FBXO31: variants seen among roughly 807,000 people sequenced by gnomAD.
FBXO31 encodes F-box protein 31, also known as F-box only protein 31.
In FBXO31, 24 loss-of-function variants were observed where a neutral mutation model predicts 54.4. The ratio of observed to expected loss-of-function variants is 0.44; its 90% CI spans 0.32 to 0.62. The LOEUF (loss-of-function observed/expected upper bound fraction) is 0.62. Among genes scored for constraint, FBXO31 ranks in the 20% least tolerant of loss-of-function variants. The pLI is 0.05. For missense variants in FBXO31, 665 were observed against 787.1 expected, an observed-to-expected ratio of 0.84 and a Z score of 1.86; for synonymous variants, 388 against 335.6, an observed-to-expected ratio of 1.16 and a Z score of -1.71.
chr16:87,365,399 C>T (rs971533288), intron 1 of FBXO31, among the ~76,000 whole-genome samples: 1 of 152,120 alleles, frequency 6.6e-6, no homozygotes, highest in African/African-American at 2.4e-5. Context: ...TAATATTGCC[C>T]TAATTGTAAC....
intron 2 of FBXO31, among the ~76,000 whole-genome samples, chr16:87,351,550 C>G (rs958609155): frequency 2.6e-5 from 4 of 152,124 alleles, no homozygotes; most frequent in Non-Finnish European, 5.9e-5. Flanking sequence ...GCAGCTGCCA[C>G]ATTATCTTCC....
chr16:87,348,356 G>A (rs896635276), intron 2 of FBXO31, among the ~76,000 whole-genome samples: 2 of 152,182 alleles, frequency 1.3e-5, no homozygotes, highest in African/African-American at 2.4e-5. Context: ...AGTCTGCCTC[G>A]ACTTCACCAC....
chr16:87,343,730 C>T lies in FBXO31; in HGVS notation c.525G>A (p.Leu175=), dbSNP rs1192599018. Residue 175 remains leucine, a synonymous_variant, in exon 4 of 9, where the codon CTG becomes CTA. Coordinates refer to ENST00000311635, the MANE Select transcript of FBXO31 (RefSeq NM_024735.5). ...DGLFIIGWMY[L]PPHDPHVDDP... is the part of the protein sequence containing the mutation. ...CATCGACGTGGGGGTCATGGGGAGG[C>T]AGGTACATCCACCCGATGATGAACA... The T allele has an allele frequency of 3.1e-6, 5 of 1,614,108 alleles. No homozygotes were observed. Among genetic ancestry groups the T allele is most frequent in the Non-Finnish European group, 4.2e-6 (5 of 1,180,050 alleles).
intron 1 of FBXO31, among the ~76,000 whole-genome samples, chr16:87,381,316 G>A (rs985100674): frequency 6.6e-6 from 1 of 152,094 alleles, no homozygotes; most frequent in African/African-American, 2.4e-5. Flanking sequence ...CCACAAATAA[G>A]GAATTCGCAA....
chr16:87,361,879 C>G (rs546411664), intron 1 of FBXO31, among the ~76,000 whole-genome samples: 1 of 152,352 alleles, frequency 6.6e-6, no homozygotes, highest in Admixed American at 6.5e-5. Context: ...CCTGCCTCCA[C>G]TTCTGAACCT....
chr16:87,372,367 G>T (rs1300660215), intron 1 of FBXO31, among the ~76,000 whole-genome samples: 1 of 152,050 alleles, frequency 6.6e-6, no homozygotes, highest in Non-Finnish European at 1.5e-5. Context: ...AAAGGCAGAG[G>T]AAAAGGAAAA....
At chr16:87,368,331 T>C (rs1157835251) in intron 1 of FBXO31, among the ~76,000 whole-genome samples, 6 of 152,228 alleles carry the variant, frequency 3.9e-5, no homozygotes, top group African/African-American at 1.4e-4. Flanking sequence ...TTTTAAAAAA[T>C]AGGGGTTAAG....
Position 87,383,692 on chromosome 16 carries a change from C to A in FBXO31, c.53G>T (p.Arg18Leu). The A allele has an allele frequency of 7.9e-7, 1 of 1,270,312 alleles. No homozygotes were observed. The highest frequency in any genetic ancestry group is 9.9e-7 in the Non-Finnish European group (1 of 1,015,030). 78.7% of individuals were successfully genotyped at this position (1,270,312 alleles called of 1,614,324 possible). A position where few individuals can be genotyped will look rare whatever the true frequency, so the allele number is the denominator to read the frequency against. The change falls in exon 1 of 9, where the codon CGC (arginine) becomes CTC (leucine). Residue 18 changes from arginine to leucine, a missense_variant. This residue lies in a region of FBXO31 where 195 missense variants were observed against 174.8 expected (regional missense o/e 1.12). Transcript: ENST00000311635. This position sits in a 1 kb window ranked among gnomAD's most constrained non-coding sequence, Gnocchi z 4.9. ...CGVGPSRGCRRRQQRRGPAET... is the reference protein window; with the variant it reads ...CGVGPSRGCRLRQQRRGPAET... ...GGCCGGGCCCCGGCGCTGCTGGCGG[C>A]GCCGACATCCGCGCGACGGGCCCAC...
intron 3 of FBXO31, among the ~76,000 whole-genome samples, chr16:87,344,313 C>A (rs1275107196): frequency 1.3e-5 from 2 of 152,244 alleles, no homozygotes; most frequent in Non-Finnish European, 2.9e-5. Context: ...AGAGAGACGC[C>A]AAGACCCCGG....
chr16:87,347,507 C>T (rs1020020579), intron 2 of FBXO31, among the ~76,000 whole-genome samples: 3 of 151,988 alleles, frequency 2.0e-5, no homozygotes, highest in African/African-American at 4.8e-5. Flanking sequence ...GGTGAAACCC[C>T]GTCTCTACTA....
At chr16:87,387,859 T>C (rs568737895), upstream of FBXO31, among the ~76,000 whole-genome samples, 1 of 152,270 alleles carries the variant, frequency 6.6e-6, no homozygotes, top group African/African-American at 2.4e-5. Context: ...CAATGAGTTC[T>C]CAACATCCGG....
intron 1 of FBXO31, among the ~76,000 whole-genome samples, chr16:87,361,589 C>T (rs1906134673): frequency 6.6e-6 from 1 of 152,230 alleles, no homozygotes. Flanking sequence ...AATACAGGAA[C>T]GTCGATACGA....
chr16:87,355,989 T>C (rs1905873384), intron 2 of FBXO31, among the ~76,000 whole-genome samples: 1 of 152,012 alleles, frequency 6.6e-6, no homozygotes. Flanking sequence ...CCCCTTGTAT[T>C]GAAAAGCCCT....
chr16:87,333,888 C>A lies in FBXO31; in HGVS notation c.1395G>T (p.Met465Ile), dbSNP rs1409583207. The A allele has an allele frequency of 6.3e-6, 10 of 1,598,470 alleles. No individual in the cohort carries two copies. The Admixed American group carries it at 1.7e-4, about 27-fold the overall frequency. Residue 465 changes from methionine to isoleucine, a missense_variant and splice_region_variant, in exon 8 of 9, where the codon ATG becomes ATT. Around this residue, in one of 4 missense-constraint regions of FBXO31, gnomAD observed 165 missense variants for 159.7 expected, o/e 1.03. Coordinates refer to ENST00000311635, the MANE Select transcript of FBXO31 (RefSeq NM_024735.5). ...CCCAGTACCCGCCGCATCCTTACCA[C>A]ATCCTGCAGGTTCGGGGGTAGTCCT... ...RNEDYPRTCRMCFYGTGLIAG... is the reference protein window; with the variant it reads ...RNEDYPRTCRICFYGTGLIAG...
chr16:87,372,920 A>G (rs1256712365), intron 1 of FBXO31, among the ~76,000 whole-genome samples: 1 of 151,588 alleles, frequency 6.6e-6, no homozygotes, highest in African/African-American at 2.4e-5. Context: ...CTTTCTGTAG[A>G]GACGGGGTTT....
chr16:87,337,414 C>T (rs1389556527), intron 5 of FBXO31, among the ~76,000 whole-genome samples: 2 of 152,210 alleles, frequency 1.3e-5, no homozygotes, highest in African/African-American at 4.8e-5. Flanking sequence ...CCACCAGGCA[C>T]TACACAGACT....
chr16:87,370,524 G>A (rs2150692430), intron 1 of FBXO31, among the ~76,000 whole-genome samples: 1 of 152,322 alleles, frequency 6.6e-6, no homozygotes, highest in East Asian at 1.9e-4. Flanking sequence ...AGTTCAGCTG[G>A]TAGGGCTGCG....
upstream of FBXO31, chr16:87,389,926 A>G (rs1907462895): frequency 6.6e-6 from 1 of 152,246 alleles, no homozygotes; most frequent in Non-Finnish European, 1.5e-5. Context: ...GTAAAGAACT[A>G]TGACAAAAAA....
chr16:87,382,977 G>A (rs1907150926), intron 1 of FBXO31, among the ~76,000 whole-genome samples: 1 of 152,144 alleles, frequency 6.6e-6, no homozygotes, highest in Non-Finnish European at 1.5e-5. Context: ...GTCAGGGCCA[G>A]CGGGGCACCC....
Sources: gnomAD v4.1 joint callset for allele counts (sites outside exome capture counted in the v4.1 genomes callset) on GRCh38, gnomAD v4.1.1 for gene constraint, gnomAD v4.1.1 regional missense constraint, Gnocchi (gnomAD v3.1) non-coding constraint, MANE v1.5 for transcripts, NCBI Gene and HGNC (gene_info 2026-07-23, HGNC 2026-07-21) for gene names.